The following ARK2C variants were observed in gnomAD, a reference collection of about 807,000 sequenced individuals.
ARK2C encodes arkadia (RNF111) C-terminal like ring finger ubiquitin ligase 2C.
At chr18:46,391,434 G>C in the ARK2C span, among the ~76,000 whole-genome samples, 1 of 152,140 alleles carries the variant, frequency 6.6e-6, no homozygotes, top group Non-Finnish European at 1.5e-5. Context: ...TCAGATCAAG[G>C]GAAAGGACAC....
chr18:46,364,729 G>A, the ARK2C span, among the ~76,000 whole-genome samples: 11 of 152,152 alleles, frequency 7.2e-5, no homozygotes, highest in African/African-American at 2.4e-4. Context: ...CTGCCCATCC[G>A]TGCTCACATA....
At chr18:46,343,721 A>G in the ARK2C span, among the ~76,000 whole-genome samples, 1 of 152,158 alleles carries the variant, frequency 6.6e-6, no homozygotes, top group African/African-American at 2.4e-5. Context: ...TTCTATTCCT[A>G]TCACCTTTTT....
At chr18:46,391,946 A>G in the ARK2C span, among the ~76,000 whole-genome samples, 1 of 151,746 alleles carries the variant, frequency 6.6e-6, no homozygotes, top group South Asian at 2.1e-4. Context: ...CACAACACAC[A>G]CGCACATGAC....
At chr18:46,407,975 G>A in the ARK2C span, among the ~76,000 whole-genome samples, 5 of 152,350 alleles carry the variant, frequency 3.3e-5, no homozygotes, top group Non-Finnish European at 5.9e-5. Flanking sequence ...TCCTGGGGGA[G>A]GTGGCATAGC....
chr18:46,426,026 A>G, the ARK2C span, among the ~76,000 whole-genome samples: 5 of 151,994 alleles, frequency 3.3e-5, no homozygotes, highest in East Asian at 5.8e-4. Flanking sequence ...CAATAATCCT[A>G]TTCATTGGGT....
chr18:46,349,527 C>T, the ARK2C span, among the ~76,000 whole-genome samples: 4 of 152,324 alleles, frequency 2.6e-5, no homozygotes, highest in East Asian at 7.7e-4. Context: ...GTCATAGCAC[C>T]TACTCTAGAG....
the ARK2C span, chr18:46,334,698 G>GTA: frequency 3.2e-6 from 1 of 315,442 alleles, no homozygotes. The surrounding 1 kb of genome is among the most constrained non-coding windows in gnomAD (Gnocchi z 4.4). Flanking sequence ...GTGTGTGTGT[G>GTA]TGTGTGTGTG....
chr18:46,397,459 T>G, the ARK2C span, among the ~76,000 whole-genome samples: 1 of 134,102 alleles, frequency 7.5e-6, no homozygotes, highest in African/African-American at 3.0e-5. Context: ...AGGGGGTGTG[T>G]GTGTGTGTGT....
chr18:46,408,951 G>A, the ARK2C span, among the ~76,000 whole-genome samples: 5 of 152,114 alleles, frequency 3.3e-5, no homozygotes, highest in Admixed American at 1.3e-4. Context: ...CTAGCTGCCC[G>A]CAGGACCATC....
At chr18:46,456,072 A>C in the ARK2C span, 32 of 1,602,194 alleles carry the variant, frequency 2.0e-5, no homozygotes, top group Non-Finnish European at 2.6e-5. Flanking sequence ...AAGATGGAGA[A>C]GATGTGAGGT....
the ARK2C span, among the ~76,000 whole-genome samples, chr18:46,383,510 C>T: frequency 1.3e-5 from 2 of 151,338 alleles, no homozygotes; most frequent in Admixed American, 1.3e-4. Context: ...ATTATATTCT[C>T]CATTGGACAA....
the ARK2C span, among the ~76,000 whole-genome samples, chr18:46,347,546 G>A: frequency 6.6e-6 from 1 of 152,152 alleles, no homozygotes; most frequent in African/African-American, 2.4e-5. Context: ...CACTGGTTCT[G>A]CTCTTTGCAG....
At chr18:46,446,480 G>T in the ARK2C span, among the ~76,000 whole-genome samples, 16 of 151,926 alleles carry the variant, frequency 1.1e-4, no homozygotes, top group Admixed American at 2.0e-4. Context: ...AGACCAGCCT[G>T]GACAACATGG....
chr18:46,335,791 T>C, the ARK2C span: 9 of 596,182 alleles, frequency 1.5e-5, no homozygotes, highest in Non-Finnish European at 1.9e-5. Flanking sequence ...AAGGCAAGCT[T>C]GGCCCCCTTA....
the ARK2C span, among the ~76,000 whole-genome samples, chr18:46,348,232 G>A: frequency 6.6e-6 from 1 of 151,566 alleles, no homozygotes; most frequent in African/African-American, 2.4e-5. Flanking sequence ...AAGGGGCTGG[G>A]GGGGGTGAGG....
chr18:46,343,431 G>A, the ARK2C span, among the ~76,000 whole-genome samples: 18 of 152,302 alleles, frequency 1.2e-4, no homozygotes, highest in South Asian at 4.1e-4. Context: ...TACTGGACTC[G>A]TCACATGAAG....
At chr18:46,341,963 C>G in the ARK2C span, among the ~76,000 whole-genome samples, 1 of 152,250 alleles carries the variant, frequency 6.6e-6, no homozygotes, top group Admixed American at 6.5e-5. Context: ...CGGGAGGGAG[C>G]CCGACCCAGT....
chr18:46,337,219 GAAAAAAGAAAAGAAAAGA>G, the ARK2C span: 16 of 985,036 alleles, frequency 1.6e-5, no homozygotes, highest in African/African-American at 2.6e-4. Flanking sequence ...AAAAGAAAGA[GAAAAAAGAAAAGAAAAGA>G]AAAAAGAATC....
chr18:46,435,120 T>C, the ARK2C span, among the ~76,000 whole-genome samples: 1 of 152,202 alleles, frequency 6.6e-6, no homozygotes, highest in Non-Finnish European at 1.5e-5. Context: ...CTGGGAAGCT[T>C]CCTTGGAGTT....
Sources: allele counts gnomAD v4.1 joint callset (sites outside exome capture counted in the v4.1 genomes callset), GRCh38; gene constraint gnomAD v4.1.1; non-coding constraint Gnocchi (gnomAD v3.1); transcripts MANE v1.5; gene names NCBI Gene and HGNC (gene_info 2026-07-23, HGNC 2026-07-21).